ANO4: variants seen among roughly 807,000 people sequenced by gnomAD.
ANO4 encodes the protein anoctamin 4.
In ANO4, 69 loss-of-function variants were observed where a neutral mutation model predicts 141.9. The observed-to-expected ratio is 0.49, with a 90% confidence interval of 0.40 to 0.59. The LOEUF is 0.59. ANO4 is among the 20% of genes least tolerant of loss of function. The pLI is 0.00. For synonymous variants in ANO4, 350 were observed against 394.3 expected (o/e 0.89, Z 1.33); for missense variants, 894 against 1,162.2 (o/e 0.77, Z 3.36).
At chr12:100,768,483 A>G (rs2033175559) in intron 3 of ANO4, among the ~76,000 whole-genome samples, 1 of 152,186 alleles carries the variant, frequency 6.6e-6, no homozygotes, top group African/African-American at 2.4e-5. Context: ...GGAGTGTCCT[A>G]TTCTGCCATC....
At chr12:100,899,309 T>C (rs1474253744) in intron 1 of ANO4, among the ~76,000 whole-genome samples, 2 of 152,194 alleles carry the variant, frequency 1.3e-5, no homozygotes, top group Non-Finnish European at 2.9e-5. Flanking sequence ...AAGCCCAGGA[T>C]GTCCATCTGT....
Position 100,807,810 on chromosome 12 carries a change from GT to G in ANO4, c.-141+12787del, listed in dbSNP as rs376959639. ...TATAAGTGAGAACACATGATGTTTG[GT>G]TTTCTGTTCCTGCATTAGTTTGCTG... On this transcript the variant is annotated intron_variant, in intron 1 of 27. Transcript: ENST00000392977. Among the ~76,000 whole-genome samples, 219 of 152,202 alleles carry G rather than the reference GT, an allele frequency of 1.4e-3. 2 individuals are homozygous for G. Among genetic ancestry groups the G allele is most frequent in the African/African-American group, 5.1e-3 (210 of 41,542 alleles).
intron 1 of ANO4, among the ~76,000 whole-genome samples, chr12:100,872,063 G>A (rs748223022): frequency 3.9e-5 from 6 of 152,086 alleles, no homozygotes; most frequent in South Asian, 2.1e-4. Context: ...ATGTTGTATC[G>A]ATGATGCTGT....
Position 101,033,823 on chromosome 12 carries a change from G to A in ANO4, c.842-3272G>A, listed in dbSNP as rs1470254892. Among the ~76,000 whole-genome samples the A allele has an allele frequency of 3.9e-5, 6 of 152,244 alleles. No homozygotes were observed. In the East Asian group the frequency reaches 1.2e-3, roughly 29 times the overall value. ...AAAAAACAACCCCATGAAAAAGTGGGCAAAGGATATAAACAGAGACTTCTC... is the reference window on the plus strand; with the variant it reads ...AAAAAACAACCCCATGAAAAAGTGGACAAAGGATATAAACAGAGACTTCTC... On this transcript the variant is annotated intron_variant, in intron 9 of 27. Transcript: ENST00000392977.
At chr12:101,122,485 C>T (rs1268394457) in intron 26 of ANO4, among the ~76,000 whole-genome samples, 1 of 152,118 alleles carries the variant, frequency 6.6e-6, no homozygotes, top group South Asian at 2.1e-4. Context: ...AGGGTATTTC[C>T]TAGGTTTTCT....
intron 1 of ANO4, among the ~76,000 whole-genome samples, chr12:100,795,938 T>G (rs1593348192): frequency 6.6e-6 from 1 of 152,176 alleles, no homozygotes; most frequent in African/African-American, 2.4e-5. Context: ...GCATCACAAC[T>G]TCAAGTCTAT....
At chr12:100,722,778 G>C (rs1419380113) in intron 1 of ANO4, among the ~76,000 whole-genome samples, 1 of 152,168 alleles carries the variant, frequency 6.6e-6, no homozygotes, top group Non-Finnish European at 1.5e-5. Context: ...ATGGAGTATA[G>C]TAGGGGGCAG....
chr12:100,995,993 GTCAACCA>G (rs954902163), intron 8 of ANO4, among the ~76,000 whole-genome samples: 38 of 152,220 alleles, frequency 2.5e-4, no homozygotes, highest in African/African-American at 8.9e-4. Context: ...GAAAAATGCG[GTCAACCA>G]CAATGGTCAA....
At chr12:100,840,191 T>C (rs572777349) in intron 1 of ANO4, among the ~76,000 whole-genome samples, 1 of 152,144 alleles carries the variant, frequency 6.6e-6, no homozygotes, top group African/African-American at 2.4e-5. Context: ...CCGTTCTCTT[T>C]CCTTCTCAAG....
At chr12:100,803,360 C>T (rs1271270313) in intron 1 of ANO4, among the ~76,000 whole-genome samples, 2 of 152,150 alleles carry the variant, frequency 1.3e-5, no homozygotes, top group African/African-American at 4.8e-5. Flanking sequence ...AGGATAAAAC[C>T]AGTGAGATAA....
chr12:100,809,368 C>G (rs1177503873), intron 1 of ANO4, among the ~76,000 whole-genome samples: 3 of 143,374 alleles, frequency 2.1e-5, no homozygotes, highest in Non-Finnish European at 4.5e-5. Flanking sequence ...ACCTGGGCGA[C>G]AGAGCAAGAT....
chr12:100,800,195 A>G, intron 1 of ANO4, among the ~76,000 whole-genome samples: 1 of 152,186 alleles, frequency 6.6e-6, no homozygotes, highest in Non-Finnish European at 1.5e-5. Flanking sequence ...TATTTAAATG[A>G]TCATTGATTT....
chr12:101,063,741 T>TTA, intron 14 of ANO4, among the ~76,000 whole-genome samples: 1 of 117,380 alleles, frequency 8.5e-6, no homozygotes, highest in South Asian at 3.4e-4. Context: ...GTTGTCCAGG[T>TTA]TATCTTTTTT....
chr12:100,790,499 G>T (rs529668589), upstream of ANO4, among the ~76,000 whole-genome samples: 3 of 152,080 alleles, frequency 2.0e-5, no homozygotes, highest in Non-Finnish European at 4.4e-5. Context: ...GATTGGATGT[G>T]GAGACACTCC....
At chr12:100,939,694 G>A (rs192157784) in intron 4 of ANO4, among the ~76,000 whole-genome samples, 109 of 152,186 alleles carry the variant, frequency 7.2e-4, no homozygotes, top group African/African-American at 5.5e-4. Flanking sequence ...TAAACTGTCC[G>A]TCATTTTAAG....
At chr12:100,786,465 G>T in intron 3 of ANO4, among the ~76,000 whole-genome samples, 1 of 152,258 alleles carries the variant, frequency 6.6e-6, no homozygotes, top group East Asian at 1.9e-4. Flanking sequence ...CTGCATTGGG[G>T]CAGGGCACTG....
At chr12:101,000,885 T>G (rs2045605213) in intron 8 of ANO4, among the ~76,000 whole-genome samples, 1 of 152,244 alleles carries the variant, frequency 6.6e-6, no homozygotes, top group South Asian at 2.1e-4. Flanking sequence ...ATAAGTCACT[T>G]GGAAATATTT....
chr12:100,882,688 GTTTTT>G (rs1438224243), intron 1 of ANO4, among the ~76,000 whole-genome samples: 1 of 151,406 alleles, frequency 6.6e-6, no homozygotes, highest in African/African-American at 2.4e-5. Flanking sequence ...TTTTTTGTTT[GTTTTT>G]TGTTTTTTTG....
At chr12:100,922,201 C>G in intron 2 of ANO4, 25 bp from the exon 3 acceptor site, 1 of 1,506,026 alleles carries the variant, frequency 6.6e-7, no homozygotes, top group Non-Finnish European at 8.9e-7. Context: ...AGTGCAAACT[C>G]CATGAATATC....
Sources: gnomAD v4.1 joint callset for allele counts (sites outside exome capture counted in the v4.1 genomes callset) on GRCh38, gnomAD v4.1.1 for gene constraint, MANE v1.5 for transcripts, NCBI Gene and HGNC (gene_info 2026-07-23, HGNC 2026-07-21) for gene names.